LRRC49: variants seen among roughly 807,000 people sequenced by gnomAD.
LRRC49 encodes the protein leucine-rich repeat-containing protein 49.
Under a neutral mutation model 83.3 loss-of-function variants are expected in LRRC49, and 50 were observed. The ratio of observed to expected loss-of-function variants is 0.60; its 90% CI spans 0.48 to 0.76. The LOEUF (loss-of-function observed/expected upper bound fraction) is 0.76. LRRC49 is among the 30% of genes least tolerant of loss of function. The pLI is 0.00. For missense variants in LRRC49, 704 were observed against 809.1 expected (o/e 0.87, Z 1.58); for synonymous variants, 286 against 283.3 (o/e 1.01, Z -0.10).
chr15:70,854,535 A>C (rs2032602963), intron 1 of LRRC49, among the ~76,000 whole-genome samples: 1 of 152,158 alleles, frequency 6.6e-6, no homozygotes, highest in Non-Finnish European at 1.5e-5. Context: ...GCCAGAGACC[A>C]CAGCTCCAGG....
intron 8 of LRRC49, among the ~76,000 whole-genome samples, chr15:70,958,342 T>C (rs1342134669): frequency 6.6e-6 from 1 of 152,244 alleles, no homozygotes; most frequent in Non-Finnish European, 1.5e-5. Context: ...AATCCCTTCA[T>C]GACTCTTTAC....
chr15:70,856,096 T>G (rs2032648309), intron 1 of LRRC49, among the ~76,000 whole-genome samples: 1 of 152,174 alleles, frequency 6.6e-6, no homozygotes, highest in Non-Finnish European at 1.5e-5. Flanking sequence ...TTATGAACAA[T>G]TCATACATGT....
intron 11 of LRRC49, among the ~76,000 whole-genome samples, chr15:70,994,893 G>A (rs951302329): frequency 6.6e-6 from 1 of 152,180 alleles, no homozygotes; most frequent in Non-Finnish European, 1.5e-5. Flanking sequence ...TGACAGTAAC[G>A]TCACTTTAAG....
intron 8 of LRRC49, among the ~76,000 whole-genome samples, chr15:70,960,034 A>G (rs2036552566): frequency 6.6e-6 from 1 of 152,242 alleles, no homozygotes; most frequent in Non-Finnish European, 1.5e-5. Context: ...TTTAGAGTCC[A>G]GTTTTTAAAG....
intron 14 of LRRC49, among the ~76,000 whole-genome samples, chr15:71,025,280 G>A (rs2039127798): frequency 6.6e-6 from 1 of 152,124 alleles, no homozygotes; most frequent in African/African-American, 2.4e-5. Flanking sequence ...AGGAAAAAAT[G>A]TTAAGGGCAG....
intron 3 of LRRC49, among the ~76,000 whole-genome samples, chr15:70,896,665 C>T (rs932029950): frequency 6.6e-6 from 1 of 152,154 alleles, no homozygotes; most frequent in Non-Finnish European, 1.5e-5. Flanking sequence ...TCATGTTAAA[C>T]ACTTCTGAAT....
chr15:70,858,024 G>A (rs951280129), intron 1 of LRRC49, among the ~76,000 whole-genome samples: 3 of 152,226 alleles, frequency 2.0e-5, no homozygotes, highest in African/African-American at 7.2e-5. Flanking sequence ...CTCAGTGTAT[G>A]CTAGTAGATT....
At chr15:70,983,661 C>T (rs2037486108) in intron 10 of LRRC49, among the ~76,000 whole-genome samples, 1 of 151,980 alleles carries the variant, frequency 6.6e-6, no homozygotes, top group Admixed American at 6.6e-5. Context: ...TTCACCTTAC[C>T]AGTCTTAATT....
intron 8 of LRRC49, among the ~76,000 whole-genome samples, chr15:70,944,053 T>G (rs938923047): frequency 1.3e-5 from 2 of 152,214 alleles, no homozygotes; most frequent in Non-Finnish European, 2.9e-5. Context: ...GCAGAATATC[T>G]TGTATTAGTT....
chr15:71,010,768 C>G (rs1270943150), intron 13 of LRRC49, among the ~76,000 whole-genome samples: 19 of 151,830 alleles, frequency 1.3e-4, no homozygotes, highest in Admixed American at 1.1e-3. Context: ...AAGAGAGAAG[C>G]TATGCTTCCA....
At chr15:70,963,655 T>C (rs1466362307) in intron 8 of LRRC49, 130 bp from the exon 9 acceptor site, 1 of 923,696 alleles carries the variant, frequency 1.1e-6, no homozygotes, top group Non-Finnish European at 1.6e-6. Context: ...GTATGGGGTA[T>C]AGGGGAACTC....
At chr15:70,916,172 T>C (rs951640195) in intron 6 of LRRC49, among the ~76,000 whole-genome samples, 5 of 152,216 alleles carry the variant, frequency 3.3e-5, no homozygotes, top group African/African-American at 4.8e-5. Context: ...ACTTGCTCTA[T>C]TATAATAGTG....
At chr15:70,875,422 T>C (rs1446007780) in intron 2 of LRRC49, among the ~76,000 whole-genome samples, 1 of 152,168 alleles carries the variant, frequency 6.6e-6, no homozygotes, top group Non-Finnish European at 1.5e-5. Flanking sequence ...CTGTTCTAAG[T>C]GGTTAGCATA....
intron 14 of LRRC49, among the ~76,000 whole-genome samples, chr15:71,029,289 A>G (rs2039274312): frequency 6.6e-6 from 1 of 152,118 alleles, no homozygotes; most frequent in Non-Finnish European, 1.5e-5. Context: ...CAGAGTGTTC[A>G]ATTTCCATGT....
At chr15:71,001,431 C>T (rs533057017) in intron 11 of LRRC49, among the ~76,000 whole-genome samples, 115 of 152,266 alleles carry the variant, frequency 7.6e-4, no homozygotes, top group African/African-American at 2.5e-3. Flanking sequence ...AGTTGCTTTC[C>T]AGAGTTCCAC....
At chr15:71,013,264 G>T (rs928974761) in intron 14 of LRRC49, among the ~76,000 whole-genome samples, 1 of 152,146 alleles carries the variant, frequency 6.6e-6, no homozygotes, top group Non-Finnish European at 1.5e-5. Context: ...GAGTTTTCAG[G>T]TAGAGGATAT....
intron 9 of LRRC49, among the ~76,000 whole-genome samples, chr15:70,978,360 A>G (rs775442416): frequency 1.2e-4 from 18 of 152,204 alleles, no homozygotes; most frequent in Non-Finnish European, 1.6e-4. Context: ...GCAAGGTGAG[A>G]GAGAGAATAG....
chr15:71,020,378 C>T (rs1280929339), intron 14 of LRRC49, among the ~76,000 whole-genome samples: 1 of 152,112 alleles, frequency 6.6e-6, no homozygotes, highest in Non-Finnish European at 1.5e-5. Context: ...TTCTAAAAGA[C>T]ACAATGGAGA....
chr15:71,038,875 A>G (rs902568965), intron 15 of LRRC49, among the ~76,000 whole-genome samples: 1 of 152,160 alleles, frequency 6.6e-6, no homozygotes, highest in African/African-American at 2.4e-5. Flanking sequence ...AAAATCATGT[A>G]TTGAACACCT....
Sources: allele counts gnomAD v4.1 joint callset (sites outside exome capture counted in the v4.1 genomes callset), GRCh38; gene constraint gnomAD v4.1.1; transcripts MANE v1.5; gene names NCBI Gene and HGNC (gene_info 2026-07-23, HGNC 2026-07-21).